Variants in ARHGAP39 observed in about 807,000 individuals in gnomAD.
ARHGAP39 encodes the protein Rho GTPase activating protein 39.
ARHGAP39 carries 44 observed loss-of-function variants against 106.9 expected under a neutral mutation model. That is an observed-to-expected ratio of 0.41 (90% CI 0.32 to 0.53). The LOEUF (loss-of-function observed/expected upper bound fraction) is 0.53, where lower values mean the gene tolerates loss of function less well. Ranked by LOEUF, ARHGAP39 falls within the 20% of genes least tolerant of loss-of-function variation. ARHGAP39 has a pLI of 0.21. For synonymous variants in ARHGAP39, 768 were observed against 693.2 expected, an observed-to-expected ratio of 1.11 and a Z score of -1.69; for missense variants, 1,496 against 1,577.3, an observed-to-expected ratio of 0.95 and a Z score of 0.87.
intron 2 of ARHGAP39, among the ~76,000 whole-genome samples, chr8:144,587,654 CTTTTTT>C (rs1182233262): frequency 5.9e-5 from 8 of 136,084 alleles, no homozygotes; most frequent in African/African-American, 2.2e-4. Context: ...GGCAGAGAGA[CTTTTTT>C]TTTTTTTTTT....
intron 2 of ARHGAP39, among the ~76,000 whole-genome samples, chr8:144,589,593 C>T (rs1175352311): frequency 3.9e-5 from 6 of 152,244 alleles, no homozygotes; most frequent in South Asian, 2.1e-4. Flanking sequence ...TAGGGACTCC[C>T]GTGACCCCAT....
In ARHGAP39 at chr8:144,545,714, G is replaced by A. The variant is rs755955179; in HGVS notation, c.2056C>T (p.Arg686Cys). 30 of 1,612,804 alleles carry A rather than the reference G, an allele frequency of 1.9e-5. No individual in the cohort carries two copies. The African/African-American group carries it at 1.9e-4, about 10-fold the overall frequency. The change falls in exon 6 of 12, where the codon CGC becomes TGC. Residue 686 changes from arginine (R) to cysteine (C), a missense_variant. Arg to Cys is a radical substitution (Grantham distance 180). This residue lies in a region of ARHGAP39 where 470 missense variants were observed against 605.1 expected (regional missense o/e 0.78). Transcript: ENST00000377307. ...SSCVFPTFTL[R>C]KPSSETDIEN... ...ATGTCCGTCTCCGAGGAGGGCTTGC[G>A]CAGCGTGAAAGTGGGGAAGACGCAG...
At position 144,530,602 on chromosome 8, in the gene ARHGAP39, C is replaced by T. The variant is rs776522322; in HGVS notation, c.3165G>A (p.Pro1055=). The change falls in exon 12 of 12, where the codon CCG becomes CCA. Residue 1055 remains proline (P), a synonymous_variant. Coordinates refer to ENST00000377307, the MANE Select transcript of ARHGAP39 (RefSeq NM_025251.3). ...LIRFLQVFVQ[P]ANVAVTKMDV... ...CCATCTTGGTGACCGCGACGTTGGC[C>T]GGCTGCACGAAGACCTGGTGGAGGA... is the stretch of plus-strand genomic sequence containing the variant. 4 of 1,439,872 alleles carry T rather than the reference C, an allele frequency of 2.8e-6. No homozygotes were observed. Among genetic ancestry groups the T allele is most frequent in the East Asian group, 6.6e-5 (2 of 30,198 alleles). 89.2% of individuals were successfully genotyped at this position (1,439,872 alleles called of 1,614,324 possible).
chr8:144,581,300 C>A (rs757864968), intron 2 of ARHGAP39, 23 bp from the exon 3 acceptor site: 1 of 1,516,742 alleles, frequency 6.6e-7, no homozygotes, highest in South Asian at 1.3e-5. Flanking sequence ...AGGGTTAAGG[C>A]GGCTGGAGCC....
intron 3 of ARHGAP39, among the ~76,000 whole-genome samples, chr8:144,566,597 T>C (rs1222268899): frequency 3.9e-5 from 6 of 152,176 alleles, no homozygotes; most frequent in Admixed American, 6.5e-5. Context: ...AGCTCATGCC[T>C]GTAATCCCGG....
At chr8:144,597,099 A>G (rs1469770318) in intron 2 of ARHGAP39, among the ~76,000 whole-genome samples, 1 of 152,336 alleles carries the variant, frequency 6.6e-6, no homozygotes, top group East Asian at 1.9e-4. Flanking sequence ...GTGCCCAAGG[A>G]GACAGAGGAG....
At chr8:144,697,147 A>G in the ARHGAP39 span, among the ~76,000 whole-genome samples, 1 of 152,126 alleles carries the variant, frequency 6.6e-6, no homozygotes, top group African/African-American at 2.4e-5. Context: ...CAACATAGTG[A>G]AACCCCATCT....
At chr8:144,611,981 C>G (rs181221818) in intron 1 of ARHGAP39, among the ~76,000 whole-genome samples, 19 of 150,490 alleles carry the variant, frequency 1.3e-4, no homozygotes, top group African/African-American at 4.4e-4. Context: ...TGTACTCCAA[C>G]CTGGGTGACA....
intron 1 of ARHGAP39, among the ~76,000 whole-genome samples, chr8:144,657,893 A>G (rs1304403703): frequency 1.3e-5 from 2 of 152,320 alleles, no homozygotes; most frequent in South Asian, 2.1e-4. Flanking sequence ...AGCCCTCCAC[A>G]TCCATGGGTT....
At chr8:144,583,295 T>G (rs1819067099) in intron 2 of ARHGAP39, among the ~76,000 whole-genome samples, 1 of 152,254 alleles carries the variant, frequency 6.6e-6, no homozygotes, top group African/African-American at 2.4e-5. Context: ...AACTTTTTGT[T>G]TTATAATTTC....
At chr8:144,593,774 A>G (rs775997866) in intron 2 of ARHGAP39, among the ~76,000 whole-genome samples, 1 of 151,276 alleles carries the variant, frequency 6.6e-6, no homozygotes, top group African/African-American at 2.4e-5. Flanking sequence ...TGCGCAACAG[A>G]GTGAGATCCT....
At chr8:144,620,974 G>A (rs193105252) in intron 1 of ARHGAP39, among the ~76,000 whole-genome samples, 15 of 152,402 alleles carry the variant, frequency 9.8e-5, no homozygotes, top group Middle Eastern at 3.4e-3. Context: ...TCCCTTGGCA[G>A]CCCCGCTGTC....
chr8:144,686,853 G>A (rs1382998337), upstream of ARHGAP39, among the ~76,000 whole-genome samples: 1 of 149,204 alleles, frequency 6.7e-6, no homozygotes, highest in Non-Finnish European at 1.5e-5. Flanking sequence ...CATCCAGGCT[G>A]ACTGCCTTCA....
intron 2 of ARHGAP39, among the ~76,000 whole-genome samples, chr8:144,596,278 C>T (rs530085749): frequency 2.1e-5 from 3 of 145,646 alleles, no homozygotes; most frequent in African/African-American, 5.1e-5. Context: ...GCTGAGGCCT[C>T]GCCACCCCGG....
intron 3 of ARHGAP39, among the ~76,000 whole-genome samples, chr8:144,570,921 G>A (rs1200909892): frequency 6.6e-6 from 1 of 152,130 alleles, no homozygotes; most frequent in Non-Finnish European, 1.5e-5. Context: ...ACCCTCCCAA[G>A]ACTAAACCAG....
At chr8:144,672,026 C>G (rs1323514983) in intron 1 of ARHGAP39, among the ~76,000 whole-genome samples, 3 of 152,234 alleles carry the variant, frequency 2.0e-5, no homozygotes, top group South Asian at 2.1e-4. Context: ...TCCTGGACGC[C>G]GTCTGTGATT....
chr8:144,572,189 A>T (rs896648424), intron 3 of ARHGAP39, among the ~76,000 whole-genome samples: 1 of 152,218 alleles, frequency 6.6e-6, no homozygotes, highest in Non-Finnish European at 1.5e-5. Context: ...AGCAAAAATA[A>T]CAAAGCTGGA....
the ARHGAP39 span, among the ~76,000 whole-genome samples, chr8:144,693,620 G>T: frequency 2.1e-5 from 3 of 146,240 alleles, no homozygotes; most frequent in South Asian, 6.6e-4. Flanking sequence ...TGATCCACCC[G>T]CCTCGGCCTC....
At chr8:144,640,676 G>A (rs924045705) in intron 1 of ARHGAP39, among the ~76,000 whole-genome samples, 2 of 152,304 alleles carry the variant, frequency 1.3e-5, no homozygotes, top group Non-Finnish European at 2.9e-5. Flanking sequence ...AACAAAAAAT[G>A]TCACAACACT....
Sources: gnomAD v4.1 joint callset for allele counts (sites outside exome capture counted in the v4.1 genomes callset) on GRCh38, gnomAD v4.1.1 for gene constraint, gnomAD v4.1.1 regional missense constraint, MANE v1.5 for transcripts, NCBI Gene and HGNC (gene_info 2026-07-23, HGNC 2026-07-21) for gene names.